TRAPPC9: variants seen among roughly 807,000 people sequenced by gnomAD.
TRAPPC9 encodes the protein trafficking protein particle complex subunit 9.
Under a neutral mutation model 124.0 loss-of-function variants are expected in TRAPPC9, and 83 were observed. That is an observed-to-expected ratio of 0.67 (90% CI 0.56 to 0.80). The LOEUF is 0.80. Ranked by LOEUF, TRAPPC9 falls within the 30% of genes least tolerant of loss-of-function variation. TRAPPC9 has a pLI of 0.00. For missense variants in TRAPPC9, 1,302 were observed against 1,508.3 expected (o/e 0.86, Z 2.27); for synonymous variants, 638 against 617.5 (o/e 1.03, Z -0.49).
At chr8:140,450,763 G>A in intron 2 of TRAPPC9, 27 bp downstream of exon 2, 2 of 1,567,918 alleles carry the variant, frequency 1.3e-6, no homozygotes, top group Non-Finnish European at 1.7e-6. Flanking sequence ...GGGAAGCCAA[G>A]GGGCCTGGGT....
chr8:140,377,350 G>A (rs960438223), intron 7 of TRAPPC9, among the ~76,000 whole-genome samples: 1 of 151,984 alleles, frequency 6.6e-6, no homozygotes, highest in African/African-American at 2.4e-5. Flanking sequence ...CCAGGCTGGA[G>A]CGCAGTGGCG....
At position 139,974,707 on chromosome 8, in the gene TRAPPC9, G is replaced by A. The variant is rs949708985; in HGVS notation, c.2810+14019C>T. On this transcript the variant is annotated intron_variant, in intron 19 of 22. Coordinates refer to ENST00000438773, the MANE Select transcript of TRAPPC9 (RefSeq NM_001160372.4). ...CACACCCCAGGCTGCCCACTGTGCC[G>A]GCTCCTGCTGTGTGTGCTGTTCATG... Among the ~76,000 whole-genome samples, 7 of 152,018 alleles carry A rather than the reference G, an allele frequency of 4.6e-5. No homozygotes were observed. The East Asian group carries it at 5.8e-4, about 13-fold the overall frequency.
At chr8:140,059,503 T>C (rs1216629211) in intron 17 of TRAPPC9, among the ~76,000 whole-genome samples, 1 of 152,218 alleles carries the variant, frequency 6.6e-6, no homozygotes, top group African/African-American at 2.4e-5. Flanking sequence ...GAGCTATATG[T>C]TTAACTTTAA....
chr8:140,106,487 G>A (rs779476879), intron 17 of TRAPPC9, among the ~76,000 whole-genome samples: 1 of 152,226 alleles, frequency 6.6e-6, no homozygotes, highest in Non-Finnish European at 1.5e-5. Flanking sequence ...GATGCCCGCA[G>A]GGTGAGTGGA....
intron 21 of TRAPPC9, among the ~76,000 whole-genome samples, chr8:139,867,884 G>C (rs1392665874): frequency 6.6e-6 from 1 of 152,130 alleles, no homozygotes; most frequent in Non-Finnish European, 1.5e-5. Context: ...TAAATATAAA[G>C]GACACTACTG....
chr8:140,299,794 C>CCTG (rs2065914919), intron 11 of TRAPPC9, among the ~76,000 whole-genome samples: 1 of 152,222 alleles, frequency 6.6e-6, no homozygotes, highest in Non-Finnish European at 1.5e-5. Context: ...AGCTCAGACA[C>CCTG]AGGAAAGCTC....
At chr8:140,044,072 C>T (rs1382628068) in intron 17 of TRAPPC9, among the ~76,000 whole-genome samples, 2 of 152,116 alleles carry the variant, frequency 1.3e-5, no homozygotes, top group African/African-American at 2.4e-5. Flanking sequence ...CAGCCAGGCG[C>T]CTTCAAACCT....
chr8:140,068,509 T>C (rs189902973), intron 17 of TRAPPC9, among the ~76,000 whole-genome samples: 2 of 152,328 alleles, frequency 1.3e-5, no homozygotes, highest in Admixed American at 1.3e-4. Context: ...TAAACAATTA[T>C]GAATTAAATA....
At chr8:140,169,118 G>GA (rs1402598299) in intron 17 of TRAPPC9, among the ~76,000 whole-genome samples, 1 of 150,806 alleles carries the variant, frequency 6.6e-6, no homozygotes, top group African/African-American at 2.5e-5. Context: ...AGGAAGCTGG[G>GA]AAAAATTCAT....
chr8:139,994,111 C>T (rs1276822780), intron 18 of TRAPPC9, among the ~76,000 whole-genome samples: 1 of 152,166 alleles, frequency 6.6e-6, no homozygotes, highest in Non-Finnish European at 1.5e-5. Context: ...AGCCTGGGAT[C>T]CCCCCAGAAA....
At chr8:139,812,033 A>G (rs1993727) in intron 21 of TRAPPC9, among the ~76,000 whole-genome samples, 89,478 of 151,878 alleles carry the variant, frequency 0.59, 26,583 homozygotes, top group South Asian at 0.65. Flanking sequence ...CCTGGAGGAC[A>G]TCAGGCCACA....
At chr8:140,290,522 G>A (rs1216506017) in intron 12 of TRAPPC9, among the ~76,000 whole-genome samples, 1 of 149,118 alleles carries the variant, frequency 6.7e-6, no homozygotes, top group East Asian at 2.0e-4. Flanking sequence ...ACAGAAATGG[G>A]ACGTCAGGAT....
At chr8:140,011,200 C>T (rs1301464385) in intron 18 of TRAPPC9, among the ~76,000 whole-genome samples, 4 of 151,614 alleles carry the variant, frequency 2.6e-5, no homozygotes, top group Admixed American at 1.3e-4. Flanking sequence ...ATTAGCTGGG[C>T]GTGGTGAGGC....
intron 21 of TRAPPC9, among the ~76,000 whole-genome samples, chr8:139,758,457 C>A (rs1820003180): frequency 6.6e-6 from 1 of 152,238 alleles, no homozygotes; most frequent in South Asian, 2.1e-4. Flanking sequence ...ACCAGGAATA[C>A]CCCTGGCTAG....
At chr8:140,199,959 T>G (rs1390957232) in intron 17 of TRAPPC9, among the ~76,000 whole-genome samples, 1 of 152,116 alleles carries the variant, frequency 6.6e-6, no homozygotes, top group East Asian at 1.9e-4. Flanking sequence ...AAATAAAAAT[T>G]TTTTTAAAAA....
In TRAPPC9 at chr8:140,087,602, T is replaced by G. The variant is rs1309062197; in HGVS notation, c.2557-63523A>C. 6.6e-6 allele frequency among the ~76,000 whole-genome samples: 1 copy of G among 152,174 alleles called. No individual in the cohort carries two copies. Among genetic ancestry groups the G allele is most frequent in the African/African-American group, 2.4e-5 (1 of 41,440 alleles). ...AGGCCAAAACCTTAAAAGACACCCT[T>G]GCTTATTCTTCAGTGCATCTAAGGT... is the stretch of plus-strand genomic sequence containing the variant. On this transcript the variant is annotated intron_variant, in intron 17 of 22. Coordinates refer to ENST00000438773, the MANE Select transcript of TRAPPC9 (RefSeq NM_001160372.4). This position sits in a 1 kb window ranked among gnomAD's most constrained non-coding sequence, Gnocchi z 4.6.
intron 9 of TRAPPC9, among the ~76,000 whole-genome samples, chr8:140,344,593 C>G (rs1044358540): frequency 5.3e-5 from 8 of 152,154 alleles, no homozygotes; most frequent in Non-Finnish European, 1.2e-4. Context: ...CTGAGGTGCA[C>G]AGAAATGGCA....
intron 16 of TRAPPC9, among the ~76,000 whole-genome samples, chr8:140,222,875 A>T (rs2063367966): frequency 6.6e-6 from 1 of 152,210 alleles, no homozygotes; most frequent in African/African-American, 2.4e-5. Context: ...TGTGCAAGAA[A>T]TCACGTTCAT....
chr8:139,968,887 G>A lies in TRAPPC9; in HGVS notation c.2810+19839C>T, dbSNP rs116538040. ...TGGTGAAGGAAGGACTCTAACCCCCGTCTCTGCAGCCCAGAAGCTTATGGC... is the reference window on the plus strand; with the variant it reads ...TGGTGAAGGAAGGACTCTAACCCCCATCTCTGCAGCCCAGAAGCTTATGGC... On this transcript the variant is annotated intron_variant, in intron 19 of 22. Coordinates refer to ENST00000438773, the MANE Select transcript of TRAPPC9 (RefSeq NM_001160372.4). Among the ~76,000 whole-genome samples, 1,104 of 152,312 alleles carry A rather than the reference G, an allele frequency of 7.2e-3. 13 individuals carry two copies. The highest frequency in any genetic ancestry group is 0.025 in the African/African-American group (1,021 of 41,566).
Sources: gnomAD v4.1 joint callset for allele counts (sites outside exome capture counted in the v4.1 genomes callset) on GRCh38, gnomAD v4.1.1 for gene constraint, Gnocchi (gnomAD v3.1) non-coding constraint, MANE v1.5 for transcripts, NCBI Gene and HGNC (gene_info 2026-07-23, HGNC 2026-07-21) for gene names.